LPP: variants seen among roughly 807,000 people sequenced by gnomAD.
LPP encodes lipoma-preferred partner.
In LPP, 38 loss-of-function variants were observed where a neutral mutation model predicts 60.4. The observed-to-expected ratio is 0.63, with a 90% confidence interval of 0.49 to 0.83. The LOEUF (loss-of-function observed/expected upper bound fraction) is 0.83, where lower values mean the gene tolerates loss of function less well. Ranked by LOEUF, LPP falls within the 40% of genes least tolerant of loss-of-function variation. The pLI is 0.00. For missense variants in LPP, 902 were observed against 783.6 expected (o/e 1.15, Z -1.80); for synonymous variants, 328 against 290.8 (o/e 1.13, Z -1.30).
rs1253748887 is a variant in LPP, at chr3:188,885,478, T to C, written c.*10999T>C. On this transcript the variant is annotated 3_prime_UTR_variant, in exon 12 of 12. Transcript: ENST00000617246. ...TTGGTTGAGATGCACGTTCACAGAC[T>C]AGAAAAGTGCCTCACCTCCATGGTG... 1 of 185,244 alleles carries C rather than the reference T, an allele frequency of 5.4e-6. No homozygotes were observed. The highest frequency in any genetic ancestry group is 1.1e-5 in the Non-Finnish European group (1 of 87,364). The allele number at this position is 185,244 out of a possible 1,614,324, so 11.5% of individuals were successfully genotyped here.
At chr3:188,751,810 AC>A (rs1228889814) in intron 8 of LPP, among the ~76,000 whole-genome samples, 2 of 152,324 alleles carry the variant, frequency 1.3e-5, no homozygotes, top group African/African-American at 2.4e-5. Flanking sequence ...TAAATACTTA[AC>A]ACCTGGTCCA....
chr3:188,636,785 C>T (rs946147532), intron 7 of LPP, among the ~76,000 whole-genome samples: 1 of 151,910 alleles, frequency 6.6e-6, no homozygotes, highest in Non-Finnish European at 1.5e-5. Flanking sequence ...GAGGCACCCC[C>T]CTGCAGGGGC....
intron 7 of LPP, among the ~76,000 whole-genome samples, chr3:188,707,639 T>A (rs1865748138): frequency 6.6e-6 from 1 of 152,372 alleles, no homozygotes; most frequent in South Asian, 2.1e-4. Flanking sequence ...TGGACTCCTG[T>A]ACTCGATAAG....
intron 8 of LPP, among the ~76,000 whole-genome samples, chr3:188,719,188 A>G (rs977687480): frequency 6.6e-6 from 1 of 152,202 alleles, no homozygotes; most frequent in African/African-American, 2.4e-5. Context: ...ACTGGGTCAC[A>G]TTTCCTCCAC....
chr3:188,552,891 T>C (rs1560554756), intron 6 of LPP, among the ~76,000 whole-genome samples: 2 of 152,146 alleles, frequency 1.3e-5, no homozygotes, highest in Non-Finnish European at 2.9e-5. Flanking sequence ...TGTACATTCT[T>C]GGCGGGGTGG....
chr3:188,679,491 G>C (rs1159037991), intron 7 of LPP, among the ~76,000 whole-genome samples: 1 of 151,194 alleles, frequency 6.6e-6, no homozygotes, highest in African/African-American at 2.4e-5. Flanking sequence ...TCGTCGTCCT[G>C]TCTTAGTTTG....
At chr3:188,258,543 ACTC>A (rs1189439939) in intron 2 of LPP, among the ~76,000 whole-genome samples, 2 of 152,012 alleles carry the variant, frequency 1.3e-5, no homozygotes, top group African/African-American at 2.4e-5. Flanking sequence ...CTGGTCTCGA[ACTC>A]CTGGGCACAA....
intron 7 of LPP, among the ~76,000 whole-genome samples, chr3:188,669,446 G>A (rs933955882): frequency 6.6e-6 from 1 of 152,028 alleles, no homozygotes; most frequent in Non-Finnish European, 1.5e-5. Context: ...CGTGGTGGCG[G>A]GCACCTGTAG....
chr3:188,460,258 A>T (rs1286196635), intron 4 of LPP, among the ~76,000 whole-genome samples: 1 of 152,230 alleles, frequency 6.6e-6, no homozygotes, highest in Non-Finnish European at 1.5e-5. Flanking sequence ...AGACTATTGC[A>T]GAGGTCTTCT....
chr3:188,334,243 A>G (rs892554633), intron 2 of LPP, among the ~76,000 whole-genome samples: 2 of 152,156 alleles, frequency 1.3e-5, no homozygotes, highest in Non-Finnish European at 2.9e-5. Flanking sequence ...GTAAATATAT[A>G]ACACATTTTC....
chr3:188,618,990 G>C (rs1365497040), intron 7 of LPP, among the ~76,000 whole-genome samples: 3 of 151,982 alleles, frequency 2.0e-5, no homozygotes, highest in Non-Finnish European at 4.4e-5. Context: ...GATATTAGTA[G>C]GTTTTACCAG....
At chr3:188,339,686 C>T (rs1332854493) in intron 2 of LPP, among the ~76,000 whole-genome samples, 1 of 152,120 alleles carries the variant, frequency 6.6e-6, no homozygotes, top group Non-Finnish European at 1.5e-5. Context: ...CCCCCATGAT[C>T]GGATTACTTC....
At chr3:188,390,613 T>C (rs1779467399) in intron 3 of LPP, among the ~76,000 whole-genome samples, 1 of 151,022 alleles carries the variant, frequency 6.6e-6, no homozygotes, top group Admixed American at 6.6e-5. Flanking sequence ...TCTTACTAGA[T>C]CTCTCTTGCT....
chr3:188,792,372 C>T lies in LPP; in HGVS notation c.1410+32090C>T, dbSNP rs564548644. Among the ~76,000 whole-genome samples, 241 of 152,312 alleles carry T rather than the reference C, an allele frequency of 1.6e-3. 2 individuals are homozygous for T. The highest frequency in any genetic ancestry group is 2.8e-3 in the Non-Finnish European group (191 of 68,022). On this transcript the variant is annotated intron_variant, in intron 9 of 11. Coordinates refer to ENST00000617246, the MANE Select transcript of LPP (RefSeq NM_001375462.1). ...ATACTCACCTCCTTTGCCTGCTTAC[C>T]GCAAGCTCACTGCCTCCTCCTCAGA...
At chr3:188,270,685 G>T (rs1737450143) in intron 2 of LPP, among the ~76,000 whole-genome samples, 1 of 152,178 alleles carries the variant, frequency 6.6e-6, no homozygotes, top group African/African-American at 2.4e-5. Context: ...TGGCAAAACA[G>T]GACCCTTGCT....
intron 9 of LPP, among the ~76,000 whole-genome samples, chr3:188,831,861 G>A (rs1455175713): frequency 2.0e-5 from 3 of 152,084 alleles, no homozygotes; most frequent in Non-Finnish European, 4.4e-5. Context: ...CATTTTCTGA[G>A]TATGCTATAC....
intron 2 of LPP, among the ~76,000 whole-genome samples, chr3:188,265,305 A>G (rs1735097406): frequency 6.6e-6 from 1 of 152,188 alleles, no homozygotes; most frequent in South Asian, 2.1e-4. Flanking sequence ...GAAGGCCTGT[A>G]TATGGAGGCA....
At chr3:188,579,913 G>C (rs946924733) in intron 6 of LPP, among the ~76,000 whole-genome samples, 2 of 151,854 alleles carry the variant, frequency 1.3e-5, no homozygotes, top group Non-Finnish European at 2.9e-5. Context: ...AGGCTTGCTT[G>C]AGCCCAGGAG....
Position 188,584,847 on chromosome 3 carries a change from A to C in LPP, c.430-24314A>C, listed in dbSNP as rs555479398. Among the ~76,000 whole-genome samples, 15 of 152,178 alleles carry C rather than the reference A, an allele frequency of 9.9e-5. No homozygotes were observed. The South Asian group carries it at 3.1e-3, about 32-fold the overall frequency. On this transcript the variant is annotated intron_variant, in intron 6 of 11. Transcript: ENST00000617246. ...TTTTTTGAAACATTAAAACTGGTGAAGATGGCCTGAGTTCTCTCTGTGATA... is the reference window on the plus strand; with the variant it reads ...TTTTTTGAAACATTAAAACTGGTGACGATGGCCTGAGTTCTCTCTGTGATA...
Sources: allele counts gnomAD v4.1 joint callset (sites outside exome capture counted in the v4.1 genomes callset), GRCh38; gene constraint gnomAD v4.1.1; transcripts MANE v1.5; gene names NCBI Gene and HGNC (gene_info 2026-07-23, HGNC 2026-07-21).